VGLL1: variants seen among roughly 807,000 people sequenced by gnomAD.
VGLL1 encodes the protein transcription cofactor vestigial-like protein 1.
Under a neutral mutation model 12.0 loss-of-function variants are expected in VGLL1, and 4 were observed. The observed-to-expected ratio is 0.33, with a 90% CI of 0.16 to 0.76. The LOEUF (loss-of-function observed/expected upper bound fraction) is 0.76, where lower values mean the gene tolerates loss of function less well. Among genes scored for constraint, VGLL1 ranks in the 30% least tolerant of loss-of-function variants. The pLI, the probability that VGLL1 is intolerant of heterozygous loss-of-function variation, is 0.60. For missense variants in VGLL1, 204 were observed against 208.7 expected (o/e 0.98, Z 0.14); for synonymous variants, 87 against 81.2 (o/e 1.07, Z -0.39).
At chrX:136,544,470 C>A (rs1433803001) in intron 2 of VGLL1, among the ~76,000 whole-genome samples, 5 of 112,199 alleles carry the variant, frequency 4.5e-5, no homozygotes, top group Non-Finnish European at 7.5e-5. Flanking sequence ...CACCTCACTG[C>A]ATTCTTTGCA....
In VGLL1 at chrX:136,545,282, GTA is replaced by G. The variant is rs201539174; in HGVS notation, c.215-3305_215-3304del. Among the ~76,000 whole-genome samples, 775 of 112,033 alleles carry G rather than the reference GTA, an allele frequency of 6.9e-3. 4 individuals are homozygous for G. Among genetic ancestry groups the G allele is most frequent in the African/African-American group, 0.023 (709 of 30,810 alleles). ...AGAAAGGTTCAGTGGGGAAGGGTGT[GTA>G]TGTGTGTGTGTGTGCATGTTTGTGT... On this transcript the variant is annotated intron_variant, in intron 2 of 4. Coordinates refer to ENST00000370634, the MANE Select transcript of VGLL1 (RefSeq NM_016267.4).
rs913430811 is a variant in VGLL1 at position 136,556,506 on chromosome X, G to T, written c.744G>T (p.Trp248Cys). The change falls in exon 5 of 5, where the codon TGG becomes TGT. Residue 248 changes from tryptophan (W) to cysteine (C), a missense_variant. Trp to Cys is a radical substitution (Grantham distance 215, BLOSUM62 -2). Coordinates refer to ENST00000370634, the MANE Select transcript of VGLL1 (RefSeq NM_016267.4). ...GKYSLTPPNH[W>C]GHPHRYLQHL Reference sequence around the variant, plus strand: ...ACTCACTTACACCACCAAACCACTGGGGCCACCCACATCGATACCTGCAGC... The same window carrying T: ...ACTCACTTACACCACCAAACCACTGTGGCCACCCACATCGATACCTGCAGC... 1.7e-6 allele frequency: 2 copies of T among 1,209,319 alleles called. No individual in the cohort carries two copies. The highest frequency in any genetic ancestry group is 2.2e-6 in the Non-Finnish European group (2 of 894,860).
At chrX:136,555,408 G>A (rs754663064) in intron 4 of VGLL1, among the ~76,000 whole-genome samples, 11 of 111,662 alleles carry the variant, frequency 9.9e-5, no homozygotes, top group Non-Finnish European at 2.1e-4. Context: ...AAATGATAAA[G>A]AGAAAAAAGA....
intron 4 of VGLL1, among the ~76,000 whole-genome samples, chrX:136,555,231 A>G (rs1203858823): frequency 8.9e-6 from 1 of 112,315 alleles, no homozygotes. Context: ...TCAAATAAGA[A>G]GAAATTCCTA....
At chrX:136,550,993 T>C (rs751326722) in intron 4 of VGLL1, 172 bp downstream of exon 4, 1 of 448,273 alleles carries the variant, frequency 2.2e-6, no homozygotes, top group Non-Finnish European at 3.9e-6. Flanking sequence ...AGAATTTGTT[T>C]CATTTTAGCC....
intron 2 of VGLL1, among the ~76,000 whole-genome samples, chrX:136,536,470 C>T (rs746060060): frequency 3.0e-4 from 33 of 111,465 alleles, no homozygotes; most frequent in Admixed American, 1.7e-3. Context: ...TCCTTCTGTC[C>T]GTCATGTTCG....
At chrX:136,542,008 T>C (rs2075857557) in intron 2 of VGLL1, among the ~76,000 whole-genome samples, 1 of 110,758 alleles carries the variant, frequency 9.0e-6, no homozygotes, top group African/African-American at 3.3e-5. Flanking sequence ...CTGGTACGTA[T>C]GCCACCCTGT....
Position 136,556,533 on chromosome X carries a change from T to A in VGLL1, c.771T>A (p.His257Gln), listed in dbSNP as rs3027868. 1.9e-3 allele frequency: 2,271 copies of A among 1,207,250 alleles called. 21 individuals are homozygous for A. In the South Asian group the frequency reaches 0.038, roughly 20 times the overall value. The change falls in exon 5 of 5, where the codon CAT becomes CAA. Residue 257 changes from histidine to glutamine, a missense_variant. His to Gln is a conservative substitution (Grantham distance 24). Coordinates refer to ENST00000370634, the MANE Select transcript of VGLL1 (RefSeq NM_016267.4). ...HWGHPHRYLQ[H>Q]L ...GCCACCCACATCGATACCTGCAGCA[T>A]CTTTAGTCAAGTTGGAGGAGAAAGA...
At chrX:136,556,041 G>A (rs1033919287) in intron 4 of VGLL1, among the ~76,000 whole-genome samples, 1 of 111,389 alleles carries the variant, frequency 9.0e-6, no homozygotes, top group Non-Finnish European at 1.9e-5. Flanking sequence ...GACCCATTGA[G>A]AATAGGTTGA....
intron 2 of VGLL1, among the ~76,000 whole-genome samples, chrX:136,543,573 A>G (rs2075861969): frequency 1.8e-5 from 2 of 111,202 alleles, no homozygotes; most frequent in African/African-American, 3.3e-5. Flanking sequence ...ACTGGGCAAC[A>G]TAGAGAGACC....
At chrX:136,542,930 G>A (rs767879635) in intron 2 of VGLL1, among the ~76,000 whole-genome samples, 4 of 111,725 alleles carry the variant, frequency 3.6e-5, no homozygotes, top group African/African-American at 9.8e-5. Context: ...GGTCTGTCAC[G>A]TGGATTATCT....
intron 2 of VGLL1, among the ~76,000 whole-genome samples, chrX:136,548,125 C>T (rs1358965837): frequency 9.0e-6 from 1 of 111,585 alleles, no homozygotes; most frequent in African/African-American, 3.3e-5. Context: ...CTTAGCATCC[C>T]GAGTAGCTGG....
At chrX:136,532,597 C>CTTTCTT (rs2075826305) in intron 1 of VGLL1, among the ~76,000 whole-genome samples, 1 of 74,833 alleles carries the variant, frequency 1.3e-5, no homozygotes, top group African/African-American at 5.2e-5. Flanking sequence ...TTCTTTCTTT[C>CTTTCTT]TTTCTTTCTT....
chrX:136,553,044 CA>C (rs2075890843), intron 4 of VGLL1, among the ~76,000 whole-genome samples: 1 of 111,429 alleles, frequency 9.0e-6, no homozygotes, highest in Admixed American at 9.5e-5. Flanking sequence ...CCAACAGGCC[CA>C]AGTCTGCCTT....
intron 2 of VGLL1, among the ~76,000 whole-genome samples, chrX:136,536,980 G>A (rs998363322): frequency 2.7e-5 from 3 of 112,579 alleles, no homozygotes; most frequent in African/African-American, 9.7e-5. Flanking sequence ...AGTATGTTAT[G>A]ATAGTTTTTA....
In VGLL1 at chrX:136,550,796, T is replaced by A; in HGVS notation, c.663T>A (p.Ser221=). ...AGAAACTATATGTATCTCGTGGATC[T>A]GCCAGTACCAGCCTTCCAAATGAAA... The part of the protein sequence containing the change: ...HYKKLYVSRG[S]ASTSLPNETL... Residue 221 remains serine, a synonymous_variant, in exon 4 of 5, where the codon TCT becomes TCA. Coordinates refer to ENST00000370634, the MANE Select transcript of VGLL1 (RefSeq NM_016267.4). The A allele has an allele frequency of 8.3e-7, 1 of 1,210,012 alleles. No homozygotes were observed. Among genetic ancestry groups the A allele is most frequent in the Non-Finnish European group, 1.1e-6 (1 of 894,165 alleles).
chrX:136,550,741 CAAT>C (rs771346706), intron 3 of VGLL1, 24 bp from the exon 4 acceptor site: 10 of 1,187,603 alleles, frequency 8.4e-6, no homozygotes, highest in Non-Finnish European at 1.1e-5. Flanking sequence ...ATTTCAGTTC[CAAT>C]AATGTTTTCT....
At chrX:136,551,695 TTACTC>T (rs1408623281) in intron 4 of VGLL1, among the ~76,000 whole-genome samples, 1 of 111,617 alleles carries the variant, frequency 9.0e-6, no homozygotes, top group Non-Finnish European at 1.9e-5. Context: ...GGCTGGCACA[TTACTC>T]TAAGCGTTGG....
At chrX:136,547,041 A>T (rs992953301) in intron 2 of VGLL1, among the ~76,000 whole-genome samples, 1 of 112,670 alleles carries the variant, frequency 8.9e-6, no homozygotes, top group Non-Finnish European at 1.9e-5. Context: ...CTCCAGTAAC[A>T]CTGGGCAGGC....
Sources: allele counts gnomAD v4.1 joint callset (sites outside exome capture counted in the v4.1 genomes callset), GRCh38; gene constraint gnomAD v4.1.1; transcripts MANE v1.5; gene names NCBI Gene and HGNC (gene_info 2026-07-23, HGNC 2026-07-21).